MYB: variants seen among roughly 807,000 people sequenced by gnomAD.
The protein encoded by MYB is transcriptional activator Myb.
A neutral mutation model predicts 92.9 loss-of-function variants in MYB; 28 were observed. The observed-to-expected ratio is 0.30, with a 90% CI of 0.22 to 0.41. The LOEUF is 0.41. Among genes scored for constraint, MYB ranks in the 10% least tolerant of loss-of-function variants. The pLI is 1.00. For missense variants in MYB, 679 were observed against 929.3 expected (o/e 0.73, Z 3.50); for synonymous variants, 295 against 329.1 (o/e 0.90, Z 1.12).
chr6:135,216,116 G>A (rs1265653760), intron 15 of MYB, among the ~76,000 whole-genome samples: 3 of 152,106 alleles, frequency 2.0e-5, no homozygotes, highest in African/African-American at 7.2e-5. Context: ...AGTCAAGCAG[G>A]AGGTTACATC....
At chr6:135,190,000 C>A in intron 4 of MYB, 117 bp downstream of exon 4, 1 of 1,387,308 alleles carries the variant, frequency 7.2e-7, no homozygotes, top group South Asian at 1.3e-5. Context: ...GGACTCTATT[C>A]CCATATTTCC....
chr6:135,194,869 A>G (rs1310086175), intron 8 of MYB: 2 of 1,120,956 alleles, frequency 1.8e-6, no homozygotes, highest in Admixed American at 3.7e-5. Context: ...ACATGATTTG[A>G]TGCATGTTCA....
In MYB at chr6:135,187,837, G is replaced by C. The variant is rs772851313; in HGVS notation, c.145G>C (p.Glu49Gln). 9 of 1,604,102 alleles carry C rather than the reference G, an allele frequency of 5.6e-6. No homozygotes were observed. Among genetic ancestry groups the C allele is most frequent in the Non-Finnish European group, 6.0e-6 (7 of 1,173,824 alleles). ...GGATTACCTTTAAATGTCTTAGGAT[G>C]AAAAACTGAAGAAGCTGGTGGAACA... is the stretch of plus-strand genomic sequence containing the variant. ...GKTRWTREED[E>Q]KLKKLVEQNG... Residue 49 changes from glutamate (E) to glutamine (Q), a missense_variant, in exon 3 of 16, where the codon GAA becomes CAA. Physicochemically the swap from Glu to Gln is conservative, Grantham distance 29 (BLOSUM62 2). This residue lies in a region of MYB where 88 missense variants were observed against 145.6 expected (regional missense o/e 0.60). Coordinates refer to ENST00000341911, the MANE Select transcript of MYB (RefSeq NM_001130173.2).
intron 15 of MYB, among the ~76,000 whole-genome samples, chr6:135,213,442 T>G (rs1780016634): frequency 6.6e-6 from 1 of 152,146 alleles, no homozygotes; most frequent in African/African-American, 2.4e-5. Context: ...ATGAATACAG[T>G]GATGAGCTGT....
chr6:135,186,344 C>T (rs1775911573), intron 2 of MYB, among the ~76,000 whole-genome samples: 1 of 152,212 alleles, frequency 6.6e-6, no homozygotes, highest in Admixed American at 6.5e-5. Flanking sequence ...GTGAAGCCAT[C>T]CCTGGCTTCG....
intron 8 of MYB, chr6:135,195,357 C>CA: frequency 2.3e-5 from 4 of 177,540 alleles, no homozygotes; most frequent in East Asian, 1.5e-4. Flanking sequence ...CCTGAGTCCT[C>CA]TAGCTTTTTT....
chr6:135,197,882 T>C (rs951696894), intron 10 of MYB, among the ~76,000 whole-genome samples: 9 of 152,270 alleles, frequency 5.9e-5, no homozygotes, highest in African/African-American at 9.6e-5. Flanking sequence ...TTTCTCAACA[T>C]TGGCTCTTTT....
In MYB at chr6:135,197,117, C is replaced by T. The variant is rs182817536; in HGVS notation, c.1360C>T (p.Arg454Cys). ...AGAACCTAGCCCAAGGGTGAACAAA[C>T]GTATGTTGAGTGAGAGTTCACTTGA... ...AGEPSPRVNK[R>C]MLSESSLDPP... Residue 454 changes from arginine to cysteine, a missense_variant, in exon 10 of 16, where the codon CGT (arginine) becomes TGT (cysteine). By Grantham distance (180) the Arg-to-Cys change is radical (BLOSUM62 -3). Transcript: ENST00000341911. 49 of 1,614,002 alleles carry T rather than the reference C, an allele frequency of 3.0e-5. No individual in the cohort carries two copies. The East Asian group carries it at 6.9e-4, about 23-fold the overall frequency.
rs111509976 is a variant in MYB at position 135,190,129 on chromosome 6, G to A, written c.309G>A (p.Val103=). The change falls in exon 5 of 16, where the codon GTG becomes GTA. Residue 103 remains valine, a splice_region_variant and synonymous_variant. Transcript: ENST00000341911. The surrounding 1 kb of genome is among the most constrained non-coding windows in gnomAD (Gnocchi z 4.5). ...TATTTTTGTGTGTTTATCTGAAGGT[G>A]ATAGAGCTTGTACAGAAATACGGTC... ...GPWTKEEDQR[V]IELVQKYGPK... 3.1e-5 allele frequency: 50 copies of A among 1,613,960 alleles called. No homozygotes were observed. The African/African-American group carries it at 6.3e-4, about 20-fold the overall frequency.
rs1296821022 is a variant in MYB, at chr6:135,202,927, A to G, written c.2062-290A>G. ...AAATCTTCTATTTTGAAAGGCATGT[A>G]TTTATTAATTCATTTAGCAGATGTT... On this transcript the variant is annotated intron_variant, in intron 14 of 15. Transcript: ENST00000341911. The G allele has an allele frequency of 4.8e-6, 3 of 628,440 alleles. No homozygotes were observed. The East Asian group carries it at 1.0e-4, about 21-fold the overall frequency. 38.9% of individuals were successfully genotyped at this position (628,440 alleles called of 1,614,324 possible).
chr6:135,194,872 C>T (rs1777089695), intron 8 of MYB: 2 of 1,127,076 alleles, frequency 1.8e-6, no homozygotes, highest in South Asian at 1.7e-5. Context: ...TGATTTGATG[C>T]ATGTTCAGTA....
intron 1 of MYB, among the ~76,000 whole-genome samples, chr6:135,183,265 G>C (rs1003418492): frequency 6.6e-6 from 1 of 152,070 alleles, no homozygotes; most frequent in Admixed American, 6.5e-5. Context: ...AAGGGCGAGC[G>C]TCAACTCGGC....
rs775376314 is a variant in MYB, at chr6:135,182,689, C to G, written c.23+1153C>G. Among the ~76,000 whole-genome samples the G allele has an allele frequency of 1.3e-5, 2 of 152,198 alleles. No homozygotes were observed. The highest frequency in any genetic ancestry group is 2.9e-5 in the Non-Finnish European group (2 of 68,022). On this transcript the variant is annotated intron_variant, in intron 1 of 15. Coordinates refer to ENST00000341911, the MANE Select transcript of MYB (RefSeq NM_001130173.2). The surrounding 1 kb of genome is among the most constrained non-coding windows in gnomAD (Gnocchi z 5.6). Reference sequence around the variant, plus strand: ...TAAGGCGAAGTCCATGGAGGCAAAGCAAATCCATTCGCCTTTCCTTAGATT... The same window carrying G: ...TAAGGCGAAGTCCATGGAGGCAAAGGAAATCCATTCGCCTTTCCTTAGATT...
intron 15 of MYB, among the ~76,000 whole-genome samples, chr6:135,210,530 T>G (rs1285008647): frequency 6.6e-6 from 1 of 152,262 alleles, no homozygotes; most frequent in Non-Finnish European, 1.5e-5. Context: ...TGCTCCTATT[T>G]TGTTATTTGT....
chr6:135,212,208 A>C (rs1160150778), intron 15 of MYB, among the ~76,000 whole-genome samples: 1 of 111,280 alleles, frequency 9.0e-6, no homozygotes, highest in East Asian at 3.0e-4. Flanking sequence ...CCATCTGATG[A>C]GTTGCTTTGG....
In MYB at chr6:135,203,251, C is replaced by T. The variant is rs1036156896; in HGVS notation, c.2096C>T (p.Ala699Val). 1 of 1,610,728 alleles carries T rather than the reference C, an allele frequency of 6.2e-7. No individual in the cohort carries two copies. Among genetic ancestry groups the T allele is most frequent in the Non-Finnish European group, 8.5e-7 (1 of 1,177,246 alleles). Residue 699 changes from alanine to valine, a missense_variant, in exon 15 of 16, where the codon GCA becomes GTA. By Grantham distance (64) the Ala-to-Val change is moderately conservative. Around this residue, in one of 8 missense-constraint regions of MYB, gnomAD observed 402 missense variants for 434.2 expected, o/e 0.93. Transcript: ENST00000341911. Reference protein sequence around the residue: ...ILTSSVLMAPASEDEDNVLKA... With the variant: ...ILTSSVLMAPVSEDEDNVLKA... ...ACAAGCTCCGTTTTAATGGCACCAG[C>T]ATCAGAAGATGAAGACAATGTTCTC...
intron 7 of MYB, 43 bp downstream of exon 7, chr6:135,193,961 GAA>G (rs1776955194): frequency 2.1e-6 from 3 of 1,447,154 alleles, no homozygotes; most frequent in Admixed American, 1.7e-5. Flanking sequence ...CCACTTTTAA[GAA>G]ATGCTTATTT....
chr6:135,212,103 G>T (rs1486519646), intron 15 of MYB, among the ~76,000 whole-genome samples: 4 of 151,614 alleles, frequency 2.6e-5, no homozygotes, highest in Non-Finnish European at 5.9e-5. Context: ...TTTCAGATAG[G>T]TGAAATAGAA....
intron 8 of MYB, chr6:135,195,267 T>A: frequency 2.8e-6 from 1 of 353,720 alleles, no homozygotes; most frequent in Non-Finnish European, 5.2e-6. Flanking sequence ...TTGGCAGTGC[T>A]TCACTGCATC....
Sources: allele counts gnomAD v4.1 joint callset (sites outside exome capture counted in the v4.1 genomes callset), GRCh38; gene constraint gnomAD v4.1.1; regional missense constraint gnomAD v4.1.1; non-coding constraint Gnocchi (gnomAD v3.1); transcripts MANE v1.5; gene names NCBI Gene and HGNC (gene_info 2026-07-23, HGNC 2026-07-21).